HUNK: variants seen among roughly 807,000 people sequenced by gnomAD.
The protein encoded by HUNK is hormonally up-regulated neu tumor-associated kinase.
In HUNK, 21 loss-of-function variants were observed where a neutral mutation model predicts 61.0. The ratio of observed to expected loss-of-function variants is 0.34; its 90% CI spans 0.24 to 0.50. The LOEUF (loss-of-function observed/expected upper bound fraction) is 0.50, where lower values mean the gene tolerates loss of function less well. HUNK is among the 20% of genes least tolerant of loss of function. The probability of loss-of-function intolerance (pLI) is 0.98; values close to 1 mark genes in which losing one functional copy is unlikely to be tolerated. For missense variants in HUNK, 772 were observed against 945.7 expected (o/e 0.82, Z 2.41); for synonymous variants, 371 against 386.1 (o/e 0.96, Z 0.46).
intron 5 of HUNK, among the ~76,000 whole-genome samples, chr21:31,963,824 C>G (rs1405971002): frequency 6.6e-6 from 1 of 152,182 alleles, no homozygotes; most frequent in African/African-American, 2.4e-5. Context: ...ATGATCATAT[C>G]TATTAATTCT....
intron 1 of HUNK, among the ~76,000 whole-genome samples, chr21:31,885,297 C>T (rs1410893966): frequency 6.6e-6 from 1 of 152,212 alleles, no homozygotes; most frequent in East Asian, 1.9e-4. Flanking sequence ...GTGCATGCGC[C>T]TTGGCACTCT....
chr21:31,900,656 C>T (rs1015082738), intron 1 of HUNK, among the ~76,000 whole-genome samples: 3 of 152,186 alleles, frequency 2.0e-5, no homozygotes, highest in African/African-American at 4.8e-5. Context: ...GAGCCCTGCG[C>T]GTGCAGTGAT....
At chr21:31,996,082 G>T in intron 10 of HUNK, 134 bp downstream of exon 10, 1 of 687,416 alleles carries the variant, frequency 1.5e-6, no homozygotes. Context: ...CAGGATTAAT[G>T]GACCTGAGGT....
intron 1 of HUNK, among the ~76,000 whole-genome samples, chr21:31,901,709 T>G (rs889672734): frequency 2.6e-5 from 4 of 152,238 alleles, no homozygotes; most frequent in African/African-American, 9.6e-5. Flanking sequence ...TACTTCTGTA[T>G]GCCAGGAGAG....
At chr21:31,926,722 C>T (rs1447209587) in intron 2 of HUNK, among the ~76,000 whole-genome samples, 3 of 152,064 alleles carry the variant, frequency 2.0e-5, no homozygotes, top group African/African-American at 7.2e-5. Flanking sequence ...ATGGATATAC[C>T]ACAATTGGCT....
intron 1 of HUNK, among the ~76,000 whole-genome samples, chr21:31,896,593 CAAG>C (rs2052426717): frequency 6.6e-6 from 1 of 152,170 alleles, no homozygotes; most frequent in South Asian, 2.1e-4. Flanking sequence ...CAAACAAAAA[CAAG>C]AAAATGTTGT....
At chr21:31,947,168 C>A (rs2052810946) in intron 4 of HUNK, among the ~76,000 whole-genome samples, 1 of 151,518 alleles carries the variant, frequency 6.6e-6, no homozygotes, top group Non-Finnish European at 1.5e-5. Context: ...TTCCCACATC[C>A]CAGGCTCAAG....
At chr21:31,895,386 G>A (rs2052418022) in intron 1 of HUNK, among the ~76,000 whole-genome samples, 1 of 152,176 alleles carries the variant, frequency 6.6e-6, no homozygotes, top group Non-Finnish European at 1.5e-5. Context: ...TCTCCCCAGT[G>A]TTGATTACTT....
intron 1 of HUNK, among the ~76,000 whole-genome samples, chr21:31,919,701 ACT>A (rs1463945986): frequency 3.9e-5 from 6 of 151,942 alleles, no homozygotes; most frequent in East Asian, 1.9e-4. Flanking sequence ...GTTCGTGAAG[ACT>A]CTGCTCTCCG....
chr21:31,891,372 G>C (rs929109352), intron 1 of HUNK, among the ~76,000 whole-genome samples: 1 of 152,210 alleles, frequency 6.6e-6, no homozygotes, highest in African/African-American at 2.4e-5. Context: ...GTGAGACTGT[G>C]TCTCAAACAA....
rs966937174 is a variant in HUNK at position 32,002,487 on chromosome 21, A to G, written c.*3303A>G. 3 of 152,240 alleles carry G rather than the reference A, an allele frequency of 2.0e-5. No individual in the cohort carries two copies. Among genetic ancestry groups the G allele is most frequent in the African/African-American group, 7.2e-5 (3 of 41,458 alleles). The allele number at this position is 152,240 out of a possible 1,614,324, so 9.4% of individuals were successfully genotyped here. A position where few individuals can be genotyped will look rare whatever the true frequency, so the allele number is the denominator to read the frequency against. Reference sequence around the variant, plus strand: ...GTTTCCCTGCCTTATTTTACCTGCAATAGGTGTGCCTACAAAAGTCTTTCT... The same window carrying G: ...GTTTCCCTGCCTTATTTTACCTGCAGTAGGTGTGCCTACAAAAGTCTTTCT... On this transcript the variant is annotated 3_prime_UTR_variant, in exon 11 of 11. Coordinates refer to ENST00000270112, the MANE Select transcript of HUNK (RefSeq NM_014586.2).
chr21:31,994,875 C>T (rs1473997623), intron 9 of HUNK, among the ~76,000 whole-genome samples: 5 of 152,232 alleles, frequency 3.3e-5, no homozygotes, highest in African/African-American at 7.2e-5. Flanking sequence ...TGGCCACTGC[C>T]AAGCGTTTTG....
At chr21:31,928,812 G>A (rs534903154) in intron 2 of HUNK, among the ~76,000 whole-genome samples, 1 of 152,170 alleles carries the variant, frequency 6.6e-6, no homozygotes, top group Non-Finnish European at 1.5e-5. Context: ...TTCTTTGCTG[G>A]AGCGCTTTCT....
intron 1 of HUNK, among the ~76,000 whole-genome samples, chr21:31,913,724 G>A (rs1568923728): frequency 6.6e-6 from 1 of 151,910 alleles, no homozygotes; most frequent in African/African-American, 2.4e-5. Context: ...TGGAAGTGGA[G>A]GGGTGGACGC....
chr21:31,955,999 A>G (rs2052887307), intron 4 of HUNK, among the ~76,000 whole-genome samples: 1 of 152,212 alleles, frequency 6.6e-6, no homozygotes, highest in African/African-American at 2.4e-5. Flanking sequence ...GTAGCATGGA[A>G]ACATTGAAGC....
chr21:31,893,306 A>T (rs975474329), intron 1 of HUNK, among the ~76,000 whole-genome samples: 1 of 152,202 alleles, frequency 6.6e-6, no homozygotes, highest in Non-Finnish European at 1.5e-5. Flanking sequence ...TATGCAGATA[A>T]AAGTCTTCCA....
chr21:31,985,357 C>T (rs1439034575), intron 8 of HUNK, among the ~76,000 whole-genome samples: 2 of 152,202 alleles, frequency 1.3e-5, no homozygotes, highest in African/African-American at 2.4e-5. Context: ...TTGTCTTGCA[C>T]GCAGGGCTGC....
At chr21:31,961,545 C>A (rs193151874) in intron 5 of HUNK, among the ~76,000 whole-genome samples, 1 of 152,254 alleles carries the variant, frequency 6.6e-6, no homozygotes, top group East Asian at 1.9e-4. Context: ...TGCATCCTTG[C>A]CAGCATTTGA....
At chr21:31,881,546 C>T (rs2052307175) in intron 1 of HUNK, among the ~76,000 whole-genome samples, 1 of 152,056 alleles carries the variant, frequency 6.6e-6, no homozygotes, top group East Asian at 1.9e-4. Context: ...TCGCTTGAAC[C>T]AAGGAGGTGG....
Sources: allele counts gnomAD v4.1 joint callset (sites outside exome capture counted in the v4.1 genomes callset), GRCh38; gene constraint gnomAD v4.1.1; transcripts MANE v1.5; gene names NCBI Gene and HGNC (gene_info 2026-07-23, HGNC 2026-07-21).